Variants in DCT observed in about 807,000 individuals in gnomAD.
DCT encodes L-dopachrome tautomerase.
In DCT, 47 loss-of-function variants were observed where a neutral mutation model predicts 53.0. The ratio of observed to expected loss-of-function variants is 0.89; its 90% CI spans 0.70 to 1.13. The LOEUF (loss-of-function observed/expected upper bound fraction) is 1.13. Ranked by LOEUF, DCT falls within the 50% of genes most tolerant of loss-of-function variation. DCT has a pLI of 0.00. For synonymous variants in DCT, 244 were observed against 237.0 expected (o/e 1.03, Z -0.27); for missense variants, 669 against 637.4 (o/e 1.05, Z -0.53).
At chr13:94,458,835 C>T (rs1020599752) in intron 6 of DCT, among the ~76,000 whole-genome samples, 3 of 151,980 alleles carry the variant, frequency 2.0e-5, no homozygotes, top group African/African-American at 4.8e-5. Flanking sequence ...ACTAAAAAAG[C>T]TCAGAATTGT....
At chr13:94,481,065 G>A (rs572593588), upstream of DCT, among the ~76,000 whole-genome samples, 10 of 152,336 alleles carry the variant, frequency 6.6e-5, no homozygotes, top group African/African-American at 2.2e-4. Context: ...GGCAGCTGCT[G>A]TCAATCCTTG....
chr13:94,508,319 G>T, the DCT span, among the ~76,000 whole-genome samples: 2 of 152,208 alleles, frequency 1.3e-5, no homozygotes, highest in Admixed American at 1.3e-4. Flanking sequence ...TCTGGCATCA[G>T]AGAAAGAGCT....
the DCT span, among the ~76,000 whole-genome samples, chr13:94,491,079 A>G: frequency 6.6e-6 from 1 of 152,220 alleles, no homozygotes; most frequent in Non-Finnish European, 1.5e-5. Flanking sequence ...CAAAGATGTC[A>G]GTGAACAAGA....
chr13:94,452,163 G>A (rs892915948), intron 6 of DCT, among the ~76,000 whole-genome samples: 1 of 152,044 alleles, frequency 6.6e-6, no homozygotes, highest in Non-Finnish European at 1.5e-5. Flanking sequence ...CTCCCAAGCA[G>A]CTGAGACTAC....
the DCT span, among the ~76,000 whole-genome samples, chr13:94,487,844 G>C: frequency 6.6e-6 from 1 of 151,858 alleles, no homozygotes; most frequent in South Asian, 2.1e-4. Context: ...CATCTGTCCT[G>C]ATAAGAGTTT....
the DCT span, among the ~76,000 whole-genome samples, chr13:94,526,766 C>T: frequency 1.8e-4 from 28 of 152,160 alleles, no homozygotes; most frequent in Non-Finnish European, 3.5e-4. Context: ...TCATTGGGAC[C>T]GGTTGGATAG....
At chr13:94,462,325 C>T (rs1883868646) in intron 4 of DCT, 136 bp from the exon 5 acceptor site, 1 of 659,490 alleles carries the variant, frequency 1.5e-6, no homozygotes. Flanking sequence ...TATGGCAAAG[C>T]CCCGGCTCTA....
chr13:94,531,272 T>A, the DCT span, among the ~76,000 whole-genome samples: 1 of 152,036 alleles, frequency 6.6e-6, no homozygotes, highest in African/African-American at 2.4e-5. Flanking sequence ...ACTTTCTTCA[T>A]AGAATTGGAA....
the DCT span, among the ~76,000 whole-genome samples, chr13:94,539,119 G>A: frequency 1.3e-5 from 2 of 152,136 alleles, no homozygotes; most frequent in South Asian, 4.1e-4. Context: ...ACTAGAACAT[G>A]AAAATTCTTC....
the DCT span, among the ~76,000 whole-genome samples, chr13:94,503,101 G>T: frequency 3.7e-3 from 564 of 152,308 alleles, 3 homozygotes; most frequent in African/African-American, 0.013. Context: ...GTTAGGTTGG[G>T]TGCGGTGGCT....
the DCT span, among the ~76,000 whole-genome samples, chr13:94,499,831 G>A: frequency 2.8e-4 from 42 of 152,020 alleles, no homozygotes; most frequent in Non-Finnish European, 4.6e-4. Context: ...CCCCCACCAT[G>A]CTCTAACCGA....
chr13:94,446,391 C>A (rs1882736282), intron 6 of DCT, among the ~76,000 whole-genome samples: 1 of 152,144 alleles, frequency 6.6e-6, no homozygotes, highest in African/African-American at 2.4e-5. Flanking sequence ...GGCCTGCAAG[C>A]ACCTCTGAAA....
rs758701844 is a variant in DCT, at chr13:94,479,055, G to A, written c.201C>T (p.Asp67=). The change falls in exon 1 of 8, where the codon GAC becomes GAT. Residue 67 remains aspartate, a synonymous_variant. Transcript: ENST00000377028. ...TGTAGGGACCACTCCAGGGCCTTGT[G>A]TCGGCTCGCACCTCTGTGCACTGCC... ...GRGQCTEVRA[D]TRPWSGPYIL... is the part of the protein sequence containing the mutation. 63 of 1,614,098 alleles carry A rather than the reference G, an allele frequency of 3.9e-5. No individual in the cohort carries two copies. Among genetic ancestry groups the A allele is most frequent in the Non-Finnish European group, 5.2e-5 (61 of 1,180,042 alleles).
At chr13:94,455,025 T>C (rs1237565341) in intron 6 of DCT, among the ~76,000 whole-genome samples, 2 of 152,100 alleles carry the variant, frequency 1.3e-5, no homozygotes, top group African/African-American at 4.8e-5. Flanking sequence ...AACCACGGGA[T>C]TTCTCACCCA....
At chr13:94,466,745 A>AT in intron 2 of DCT, 87 bp from the exon 3 acceptor site, 2 of 781,856 alleles carry the variant, frequency 2.6e-6, no homozygotes, top group South Asian at 4.6e-5. Context: ...TATAGAGCCA[A>AT]TAAGTCCATG....
At chr13:94,527,084 G>A in the DCT span, among the ~76,000 whole-genome samples, 61,381 of 152,006 alleles carry the variant, frequency 0.4, 13,138 homozygotes, top group East Asian at 0.62. Context: ...GTCTGCCATC[G>A]CTGGGCCTTG....
the DCT span, among the ~76,000 whole-genome samples, chr13:94,501,295 AAAAT>A: frequency 9.2e-5 from 14 of 152,236 alleles, no homozygotes; most frequent in South Asian, 1.2e-3. Flanking sequence ...TAATTAATTA[AAAAT>A]AAATAAAAGA....
At chr13:94,462,245 C>T (rs554133160) in intron 4 of DCT, 56 bp from the exon 5 acceptor site, 33 of 1,353,330 alleles carry the variant, frequency 2.4e-5, no homozygotes, top group East Asian at 4.7e-5. Flanking sequence ...CAGTGGCTCA[C>T]GTCTGTAATC....
chr13:94,519,052 G>A, the DCT span, among the ~76,000 whole-genome samples: 2 of 151,906 alleles, frequency 1.3e-5, no homozygotes, highest in Admixed American at 6.6e-5. Flanking sequence ...GCCTAACCTG[G>A]TTATTTCTTA....
Sources: allele counts gnomAD v4.1 joint callset (sites outside exome capture counted in the v4.1 genomes callset), GRCh38; gene constraint gnomAD v4.1.1; transcripts MANE v1.5; gene names NCBI Gene and HGNC (gene_info 2026-07-23, HGNC 2026-07-21).